The following VSTM2A variants were observed in gnomAD, a reference collection of about 807,000 sequenced individuals.
VSTM2A encodes V-set and transmembrane domain containing 2A.
A neutral mutation model predicts 27.3 loss-of-function variants in VSTM2A; 13 were observed. The observed-to-expected ratio is 0.48, with a 90% CI of 0.31 to 0.76. VSTM2A has a LOEUF of 0.76. Among genes scored for constraint, VSTM2A ranks in the 30% least tolerant of loss-of-function variants. VSTM2A has a pLI of 0.05. For synonymous variants in VSTM2A, 142 were observed against 125.7 expected, an observed-to-expected ratio of 1.13 and a Z score of -0.87; for missense variants, 280 against 310.0, an observed-to-expected ratio of 0.90 and a Z score of 0.73.
intron 4 of VSTM2A, chr7:54,552,203 A>G (rs1788221208): frequency 6.6e-6 from 1 of 152,220 alleles, no homozygotes; most frequent in South Asian, 2.1e-4. Flanking sequence ...ATATTCATTA[A>G]AAGTCCTGTT....
In VSTM2A at chr7:54,570,969, T is replaced by A. The variant is rs1416735355; in HGVS notation, c.*1750T>A. 1 of 152,228 alleles carries A rather than the reference T, an allele frequency of 6.6e-6. No individual in the cohort carries two copies. Among genetic ancestry groups the A allele is most frequent in the Non-Finnish European group, 1.5e-5 (1 of 68,026 alleles). The allele number at this position is 152,228 out of a possible 1,614,324, so 9.4% of individuals were successfully genotyped here. A position where few individuals can be genotyped will look rare whatever the true frequency, so the allele number is the denominator to read the frequency against. Reference sequence around the variant, plus strand: ...AATATTCTTGACATTACCTGAGAAATAATACTTCATGCTAAATCTTTTACT... The same window carrying A: ...AATATTCTTGACATTACCTGAGAAAAAATACTTCATGCTAAATCTTTTACT... On this transcript the variant is annotated 3_prime_UTR_variant, in exon 5 of 5. Transcript: ENST00000402613.
At chr7:54,560,959 C>A (rs1475801222) in intron 4 of VSTM2A, among the ~76,000 whole-genome samples, 1 of 152,118 alleles carries the variant, frequency 6.6e-6, no homozygotes, top group Non-Finnish European at 1.5e-5. Flanking sequence ...CAGACACACC[C>A]TGAGGAGCCT....
intron 1 of VSTM2A, among the ~76,000 whole-genome samples, 189 bp downstream of exon 1, chr7:54,542,998 G>A (rs774082190): frequency 2.6e-5 from 4 of 152,128 alleles, no homozygotes; most frequent in Non-Finnish European, 5.9e-5. Context: ...AGGCTGGAGA[G>A]AAAATCTAGC....
intron 4 of VSTM2A, among the ~76,000 whole-genome samples, chr7:54,564,301 G>A (rs1230301193): frequency 1.3e-5 from 2 of 152,184 alleles, no homozygotes; most frequent in African/African-American, 2.4e-5. Flanking sequence ...ACGAGTGGGG[G>A]TAGAAAATGT....
chr7:54,567,176 A>G (rs1247898187), intron 4 of VSTM2A, among the ~76,000 whole-genome samples: 1 of 152,214 alleles, frequency 6.6e-6, no homozygotes. Flanking sequence ...TTTACTATAT[A>G]GGAAAAAATC....
rs1788021728 is a variant in VSTM2A at position 54,547,012 on chromosome 7, C to A, written c.297+15C>A. Reference sequence around the variant, plus strand: ...CCAAGATCAGCGTGAGTGCGGGGCGCGCCAAGGGCCGCGGGCCCAGGCTCG... The same window carrying A: ...CCAAGATCAGCGTGAGTGCGGGGCGAGCCAAGGGCCGCGGGCCCAGGCTCG... On this transcript the variant is annotated intron_variant, in intron 3 of 4. Transcript: ENST00000402613. 1.3e-6 allele frequency: 2 copies of A among 1,572,396 alleles called. No homozygotes were observed. The highest frequency in any genetic ancestry group is 2.4e-5 in the East Asian group (1 of 40,876).
chr7:54,566,407 G>A lies in VSTM2A; in HGVS notation c.635-2724G>A, dbSNP rs561307785. Among the ~76,000 whole-genome samples the A allele has an allele frequency of 4.1e-4, 57 of 138,816 alleles. No homozygotes were observed. In the Admixed American group the frequency reaches 4.1e-3, roughly 10 times the overall value. 91.1% of individuals were successfully genotyped at this position (138,816 alleles called of 152,430 possible). A position where few individuals can be genotyped will look rare whatever the true frequency, so the allele number is the denominator to read the frequency against. ...AATGAGCTAATAGCATAATCAGTGA[G>A]GTGAGATACAAATATGATTAATTAC... On this transcript the variant is annotated intron_variant, in intron 4 of 4. Coordinates refer to ENST00000402613, the MANE Select transcript of VSTM2A (RefSeq NM_001301009.2).
intron 3 of VSTM2A, 33 bp from the exon 4 acceptor site, chr7:54,549,801 A>C: frequency 6.5e-7 from 1 of 1,532,758 alleles, no homozygotes; most frequent in East Asian, 2.3e-5. Context: ...TTGATGTAGC[A>C]CTTTATTGTT....
chr7:54,560,837 TA>T (rs1452105975), intron 4 of VSTM2A, among the ~76,000 whole-genome samples: 2 of 151,724 alleles, frequency 1.3e-5, no homozygotes, highest in Non-Finnish European at 2.9e-5. Context: ...TGAAGTTAAA[TA>T]ATGCAGTGAA....
At chr7:54,545,679 AG>A (rs144464692) in intron 2 of VSTM2A, among the ~76,000 whole-genome samples, 2,264 of 61,274 alleles carry the variant, frequency 0.037, 83 homozygotes, top group African/African-American at 0.081. Flanking sequence ...GAGAGAGGGA[AG>A]GGGGAAAAAG....
intron 4 of VSTM2A, among the ~76,000 whole-genome samples, chr7:54,568,374 A>G (rs1211226659): frequency 6.6e-6 from 1 of 152,228 alleles, no homozygotes; most frequent in Non-Finnish European, 1.5e-5. Flanking sequence ...CTTTACTAAT[A>G]AAGTTATTCA....
intron 1 of VSTM2A, among the ~76,000 whole-genome samples, chr7:54,543,563 A>C (rs1787852303): frequency 6.6e-6 from 1 of 152,022 alleles, no homozygotes; most frequent in Admixed American, 6.5e-5. Context: ...GGATTTCATA[A>C]AATGTTGAAA....
chr7:54,561,907 A>G (rs1584064250), intron 4 of VSTM2A, among the ~76,000 whole-genome samples: 2 of 149,496 alleles, frequency 1.3e-5, no homozygotes, highest in East Asian at 3.9e-4. Context: ...CATAAAAATT[A>G]GTTTTTTAGT....
chr7:54,569,193 C>A lies in VSTM2A; in HGVS notation c.697C>A (p.His233Asn). ...RTAKLTLNSK[H>N]HPAPTVL ...AGCAAAGTTGACCCTAAACTCCAAG[C>A]ACCACCCTGCACCCACTGTACTCTA... is the stretch of plus-strand genomic sequence containing the variant. Residue 233 changes from histidine to asparagine, a missense_variant, in exon 5 of 5, where the codon CAC becomes AAC. By Grantham distance (68) the His-to-Asn change is moderately conservative. Transcript: ENST00000402613. The A allele has an allele frequency of 6.4e-7, 1 of 1,551,676 alleles. No individual in the cohort carries two copies. The highest frequency in any genetic ancestry group is 1.4e-5 in the African/African-American group (1 of 73,158).
At chr7:54,560,487 C>G (rs1788522063) in intron 4 of VSTM2A, among the ~76,000 whole-genome samples, 1 of 152,058 alleles carries the variant, frequency 6.6e-6, no homozygotes, top group Non-Finnish European at 1.5e-5. Flanking sequence ...ACTCACACAA[C>G]CCCCAATTCC....
At chr7:54,546,860 G>T in intron 2 of VSTM2A, 87 bp from the exon 3 acceptor site, 2 of 1,541,320 alleles carry the variant, frequency 1.3e-6, no homozygotes, top group East Asian at 2.4e-5. Flanking sequence ...TGACGGCCCT[G>T]CCCGGAGCCG....
rs548188736 is a variant in VSTM2A, at chr7:54,566,358, C to CA, written c.635-2767dup. ...ACATTGAAAGTAATTTTTAAACTTGCAAAAAATTTTACTCCTTGCTTTTAA... is the reference window on the plus strand; with the variant it reads ...ACATTGAAAGTAATTTTTAAACTTGCAAAAAAATTTTACTCCTTGCTTTTAA... On this transcript the variant is annotated intron_variant, in intron 4 of 4. Transcript: ENST00000402613. Among the ~76,000 whole-genome samples the CA allele has an allele frequency of 1.1e-4, 16 of 152,214 alleles. No individual in the cohort carries two copies. The Middle Eastern group carries it at 0.01, about 97-fold the overall frequency.
At chr7:54,550,251 T>C in intron 4 of VSTM2A, 81 bp downstream of exon 4, 1 of 1,532,838 alleles carries the variant, frequency 6.5e-7, no homozygotes, top group Non-Finnish European at 8.8e-7. Flanking sequence ...AGTAGACAGA[T>C]TTATGAATGG....
At chr7:54,563,897 A>G (rs980978983) in intron 4 of VSTM2A, among the ~76,000 whole-genome samples, 1 of 152,264 alleles carries the variant, frequency 6.6e-6, no homozygotes, top group Non-Finnish European at 1.5e-5. Context: ...ACATGTAAGC[A>G]TTCTAATAAA....
Sources: allele counts gnomAD v4.1 joint callset (sites outside exome capture counted in the v4.1 genomes callset), GRCh38; gene constraint gnomAD v4.1.1; transcripts MANE v1.5; gene names NCBI Gene and HGNC (gene_info 2026-07-23, HGNC 2026-07-21).